The following FAM184B variants were observed in gnomAD, a reference collection of about 807,000 sequenced individuals.
FAM184B encodes the protein family with sequence similarity 184 member B.
In FAM184B, 111 loss-of-function variants were observed where a neutral mutation model predicts 135.9. The observed-to-expected ratio is 0.82, with a 90% CI of 0.70 to 0.96. FAM184B has a LOEUF of 0.96. Among genes scored for constraint, FAM184B ranks in the 40% least tolerant of loss-of-function variants. The pLI is 0.00. For synonymous variants in FAM184B, 552 were observed against 524.8 expected, an observed-to-expected ratio of 1.05 and a Z score of -0.71; for missense variants, 1,375 against 1,323.9, an observed-to-expected ratio of 1.04 and a Z score of -0.60.
At chr4:17,717,711 C>T (rs1717427880) in intron 1 of FAM184B, among the ~76,000 whole-genome samples, 1 of 151,654 alleles carries the variant, frequency 6.6e-6, no homozygotes, top group Admixed American at 6.6e-5. Context: ...TAACAAGGCT[C>T]TAATTAATGG....
chr4:17,684,161 TA>T (rs1560175603), intron 7 of FAM184B, among the ~76,000 whole-genome samples: 1 of 145,628 alleles, frequency 6.9e-6, no homozygotes, highest in African/African-American at 2.5e-5. Context: ...TATAATAAAA[TA>T]TAATATAAAA....
At chr4:17,678,001 G>A (rs962271465) in intron 7 of FAM184B, among the ~76,000 whole-genome samples, 6 of 152,186 alleles carry the variant, frequency 3.9e-5, no homozygotes, top group African/African-American at 1.2e-4. Flanking sequence ...CAGCAAAATC[G>A]GTATAGAAGG....
intron 1 of FAM184B, among the ~76,000 whole-genome samples, chr4:17,729,653 A>G (rs541187233): frequency 1.3e-5 from 2 of 152,376 alleles, no homozygotes; most frequent in South Asian, 4.1e-4. Flanking sequence ...CCAGGCAAAC[A>G]GGGTCTGGAG....
intron 6 of FAM184B, among the ~76,000 whole-genome samples, chr4:17,690,154 A>AT (rs752122315): frequency 1.3e-5 from 2 of 152,114 alleles, no homozygotes; most frequent in Admixed American, 1.3e-4. Flanking sequence ...TCTCAAAAAA[A>AT]AAAAAAAAAG....
rs189816147 is a variant in FAM184B, at chr4:17,688,601, G to A, written c.1489-70C>T. The A allele has an allele frequency of 6.8e-5, 80 of 1,181,692 alleles. 1 individual carries two copies. The East Asian group carries it at 1.6e-3, about 24-fold the overall frequency. The allele number at this position is 1,181,692 out of a possible 1,614,324, so 73.2% of individuals were successfully genotyped here. A position where few individuals can be genotyped will look rare whatever the true frequency, so the allele number is the denominator to read the frequency against. ...ACCTCCTCGATACAGTCATTCATCC[G>A]GGAATCAATTCTCCTGGGTCAGTCT... On this transcript the variant is annotated intron_variant, in intron 6 of 17. Transcript: ENST00000265018.
At position 17,645,314 on chromosome 4, in the gene FAM184B, T is replaced by C. The variant is rs1469039349; in HGVS notation, c.2346+2323A>G. 3.9e-5 allele frequency among the ~76,000 whole-genome samples: 6 copies of C among 152,296 alleles called. No individual in the cohort carries two copies. The South Asian group carries it at 6.2e-4, about 16-fold the overall frequency. ...ACAAAGCTGGAGGCATCATGCTACCTGACTTCAAACTATACTACAAGGCCA... is the reference window on the plus strand; with the variant it reads ...ACAAAGCTGGAGGCATCATGCTACCCGACTTCAAACTATACTACAAGGCCA... On this transcript the variant is annotated intron_variant, in intron 12 of 17. Coordinates refer to ENST00000265018, the MANE Select transcript of FAM184B (RefSeq NM_015688.2).
At chr4:17,750,803 C>T (rs182409060) in intron 1 of FAM184B, among the ~76,000 whole-genome samples, 1 of 152,220 alleles carries the variant, frequency 6.6e-6, no homozygotes, top group Admixed American at 6.5e-5. Context: ...TCTTCCTTGC[C>T]AACAAAGCCC....
intron 1 of FAM184B, among the ~76,000 whole-genome samples, chr4:17,780,376 T>C (rs1467264882): frequency 6.6e-6 from 1 of 152,072 alleles, no homozygotes; most frequent in Admixed American, 6.5e-5. Flanking sequence ...AAACCTTGTA[T>C]AGGAGACAGT....
At chr4:17,668,363 C>T (rs189220690) in intron 7 of FAM184B, among the ~76,000 whole-genome samples, 5 of 152,286 alleles carry the variant, frequency 3.3e-5, no homozygotes, top group Non-Finnish European at 5.9e-5. Flanking sequence ...GTGATCAAAT[C>T]CTAATTGATG....
rs79101338 is a variant in FAM184B, at chr4:17,683,895, A to T, written c.1596+4529T>A. ...GTTTGAGACCAGCCTGGACAGCATG[A>T]TGAAGGCTCGTCTCTACAAAAAATT... On this transcript the variant is annotated intron_variant, in intron 7 of 17. Transcript: ENST00000265018. Among the ~76,000 whole-genome samples the T allele has an allele frequency of 1.3e-3, 196 of 151,754 alleles. 1 individual carries two copies. Among genetic ancestry groups the T allele is most frequent in the African/African-American group, 4.6e-3 (189 of 41,362 alleles).
chr4:17,637,031 T>C (rs1242932072), intron 14 of FAM184B, among the ~76,000 whole-genome samples: 2 of 152,056 alleles, frequency 1.3e-5, no homozygotes, highest in Non-Finnish European at 2.9e-5. Context: ...CTATGGCCTT[T>C]TTTTTCTTTT....
intron 1 of FAM184B, among the ~76,000 whole-genome samples, chr4:17,777,934 C>CA (rs372136521): frequency 1.3e-5 from 2 of 152,022 alleles, no homozygotes; most frequent in African/African-American, 2.4e-5. Context: ...CCTGTCTCTA[C>CA]AAAAAATTTT....
At chr4:17,736,242 C>T (rs1018353420) in intron 1 of FAM184B, among the ~76,000 whole-genome samples, 47 of 152,222 alleles carry the variant, frequency 3.1e-4, no homozygotes, top group African/African-American at 1.1e-3. Context: ...GGATTCTGTT[C>T]CGTCTGACTC....
At chr4:17,708,709 A>ATATATATATATTGT (rs3066655) in intron 2 of FAM184B, among the ~76,000 whole-genome samples, 183 bp downstream of exon 2, 2 of 38,832 alleles carry the variant, frequency 5.2e-5, no homozygotes, top group African/African-American at 1.0e-4. Context: ...ATATATATAT[A>ATATATATATATTGT]GTGTCTGTGT....
At chr4:17,659,877 C>G (rs1243710343) in intron 9 of FAM184B, 81 bp downstream of exon 9, 14 of 1,509,278 alleles carry the variant, frequency 9.3e-6, no homozygotes, top group African/African-American at 1.4e-5. Context: ...GTGAATCAGG[C>G]CCTGCATGCA....
chr4:17,682,142 C>T (rs79064760), intron 7 of FAM184B, among the ~76,000 whole-genome samples: 2,609 of 152,174 alleles, frequency 0.017, 74 homozygotes, highest in East Asian at 0.096. Flanking sequence ...CTGGAGAGGG[C>T]GTGGGCAGGT....
intron 12 of FAM184B, 92 bp from the exon 13 acceptor site, chr4:17,642,320 C>A: frequency 7.3e-7 from 1 of 1,378,386 alleles, no homozygotes; most frequent in Non-Finnish European, 9.3e-7. Context: ...AGATGGAGAC[C>A]CACTGGCACC....
intron 7 of FAM184B, among the ~76,000 whole-genome samples, chr4:17,681,956 G>A (rs1716451817): frequency 6.6e-6 from 1 of 152,218 alleles, no homozygotes; most frequent in African/African-American, 2.4e-5. Context: ...TAACAGGTTA[G>A]TATTTAAGGA....
chr4:17,634,387 G>T (rs890800186), intron 16 of FAM184B, among the ~76,000 whole-genome samples: 1 of 152,128 alleles, frequency 6.6e-6, no homozygotes. Context: ...ACGGTGGTGC[G>T]ATCTCAGCTC....
Sources: allele counts gnomAD v4.1 joint callset (sites outside exome capture counted in the v4.1 genomes callset), GRCh38; gene constraint gnomAD v4.1.1; transcripts MANE v1.5; gene names NCBI Gene and HGNC (gene_info 2026-07-23, HGNC 2026-07-21).